The following P3H2 variants were observed in gnomAD, a reference collection of about 807,000 sequenced individuals.
The protein encoded by P3H2 is leprecan-like 1.
A neutral mutation model predicts 87.0 loss-of-function variants in P3H2; 80 were observed. That is an observed-to-expected ratio of 0.92 (90% CI 0.77 to 1.11). The LOEUF is 1.11. Ranked by LOEUF, P3H2 falls within the 50% of genes least tolerant of loss-of-function variation. The pLI, the probability that P3H2 is intolerant of heterozygous loss-of-function variation, is 0.00. For missense variants in P3H2, 1,001 were observed against 923.9 expected (o/e 1.08, Z -1.08); for synonymous variants, 367 against 359.3 (o/e 1.02, Z -0.24).
At position 190,016,374 on chromosome 3, in the gene P3H2, G is replaced by T. The variant is rs1363868375; in HGVS notation, c.481-20932C>A. ...TTCTCCTGCCTCAACCTCCCAGGTA[G>T]CTGGGATTACAGGCGCCCTCCACCA... On this transcript the variant is annotated intron_variant, in intron 1 of 14. Transcript: ENST00000319332. 2.6e-5 allele frequency among the ~76,000 whole-genome samples: 4 copies of T among 152,126 alleles called. No individual in the cohort carries two copies. The East Asian group carries it at 7.7e-4, about 29-fold the overall frequency.
intron 1 of P3H2, among the ~76,000 whole-genome samples, chr3:190,094,648 G>A (rs922927776): frequency 1.3e-4 from 20 of 152,188 alleles, no homozygotes; most frequent in African/African-American, 4.8e-4. Flanking sequence ...GTGGGGTACT[G>A]GGTCTCTCTG....
intron 1 of P3H2, among the ~76,000 whole-genome samples, chr3:190,042,468 T>C (rs1172172392): frequency 6.6e-6 from 1 of 151,990 alleles, no homozygotes; most frequent in East Asian, 1.9e-4. Context: ...ATGTAGAATC[T>C]GGCCATCTAT....
chr3:190,061,428 T>C (rs149318489), intron 1 of P3H2, among the ~76,000 whole-genome samples: 2 of 152,110 alleles, frequency 1.3e-5, no homozygotes, highest in African/African-American at 2.4e-5. Flanking sequence ...AAGGTGAAAG[T>C]GATAAAAATG....
At chr3:190,116,425 A>G (rs1327367862) in intron 1 of P3H2, among the ~76,000 whole-genome samples, 1 of 152,168 alleles carries the variant, frequency 6.6e-6, no homozygotes, top group African/African-American at 2.4e-5. Context: ...GAAAAATCTT[A>G]TGGAATTTGC....
At chr3:189,982,647 C>G (rs1034733634) in intron 8 of P3H2, among the ~76,000 whole-genome samples, 3 of 152,132 alleles carry the variant, frequency 2.0e-5, no homozygotes, top group Non-Finnish European at 4.4e-5. Context: ...TCTAATATCC[C>G]ATGTGGCTGG....
At chr3:190,091,381 T>C (rs1442284203) in intron 1 of P3H2, among the ~76,000 whole-genome samples, 1 of 152,238 alleles carries the variant, frequency 6.6e-6, no homozygotes. Context: ...TAACTTCTTT[T>C]AATGACTATA....
intron 1 of P3H2, among the ~76,000 whole-genome samples, chr3:190,068,747 G>A (rs972853081): frequency 2.0e-5 from 3 of 152,026 alleles, no homozygotes; most frequent in African/African-American, 7.2e-5. Context: ...AAGAGTTACC[G>A]ATTTTTCTCG....
intron 3 of P3H2, among the ~76,000 whole-genome samples, chr3:189,989,620 A>G (rs1723817494): frequency 6.6e-6 from 1 of 152,208 alleles, no homozygotes; most frequent in Admixed American, 6.5e-5. Context: ...TCAGAAACCT[A>G]TTCTATCCAG....
chr3:190,107,503 C>T (rs1014266561), intron 1 of P3H2, among the ~76,000 whole-genome samples: 1 of 152,058 alleles, frequency 6.6e-6, no homozygotes, highest in Non-Finnish European at 1.5e-5. Flanking sequence ...CTCATTTTGT[C>T]CTTTCATCAA....
At chr3:190,004,822 A>G (rs952324766) in intron 1 of P3H2, among the ~76,000 whole-genome samples, 4 of 152,058 alleles carry the variant, frequency 2.6e-5, no homozygotes, top group African/African-American at 4.8e-5. Flanking sequence ...ATAAAGGGGG[A>G]AAAACGTTGT....
At chr3:190,050,250 T>C (rs1725936709) in intron 1 of P3H2, among the ~76,000 whole-genome samples, 1 of 152,232 alleles carries the variant, frequency 6.6e-6, no homozygotes, top group South Asian at 2.1e-4. Flanking sequence ...CTATTGCTCT[T>C]GATTTTGCAC....
At chr3:190,068,176 A>T (rs1345106557) in intron 1 of P3H2, among the ~76,000 whole-genome samples, 1 of 152,204 alleles carries the variant, frequency 6.6e-6, no homozygotes, top group African/African-American at 2.4e-5. Context: ...TAAATCACTT[A>T]TAATTTTCTC....
chr3:190,121,011 C>G, upstream of P3H2: 2 of 471,976 alleles, frequency 4.2e-6, no homozygotes, highest in Non-Finnish European at 7.3e-6. Context: ...AGCGGCGGGG[C>G]TGCCAGGGGC....
chr3:190,052,253 C>G (rs939019987), intron 1 of P3H2, among the ~76,000 whole-genome samples: 2 of 151,962 alleles, frequency 1.3e-5, no homozygotes, highest in Non-Finnish European at 2.9e-5. Context: ...CCCCTCACCC[C>G]CCGACAAGCC....
chr3:190,083,520 G>A (rs1002254604), intron 1 of P3H2, among the ~76,000 whole-genome samples: 1 of 152,270 alleles, frequency 6.6e-6, no homozygotes, highest in Middle Eastern at 3.4e-3. Flanking sequence ...TCTTTTAACT[G>A]GGGAGAAATA....
intron 14 of P3H2, among the ~76,000 whole-genome samples, chr3:189,958,349 GCT>G (rs1292832983): frequency 9.9e-5 from 15 of 151,980 alleles, no homozygotes; most frequent in Admixed American, 9.8e-4. Context: ...CTTCACGTAG[GCT>G]CTCTCTCGGT....
chr3:189,994,333 C>CAAA, intron 2 of P3H2, 50 bp from the exon 3 acceptor site: 1 of 1,465,586 alleles, frequency 6.8e-7, no homozygotes, highest in Non-Finnish European at 9.5e-7. Flanking sequence ...AACAAACAAA[C>CAAA]AAAAAAACCC....
At chr3:190,044,776 A>G (rs1725747706) in intron 1 of P3H2, among the ~76,000 whole-genome samples, 1 of 152,240 alleles carries the variant, frequency 6.6e-6, no homozygotes, top group South Asian at 2.1e-4. Context: ...AGTATGAGGT[A>G]AACCTCGTCT....
chr3:190,118,341 A>G (rs548621306), intron 1 of P3H2, among the ~76,000 whole-genome samples: 4 of 151,996 alleles, frequency 2.6e-5, no homozygotes, highest in Admixed American at 1.3e-4. Flanking sequence ...CTAACCTTAC[A>G]TCCGAGACTC....
Sources: gnomAD v4.1 joint callset for allele counts (sites outside exome capture counted in the v4.1 genomes callset) on GRCh38, gnomAD v4.1.1 for gene constraint, MANE v1.5 for transcripts, NCBI Gene and HGNC (gene_info 2026-07-23, HGNC 2026-07-21) for gene names.